Variants in METAP1D observed in about 807,000 individuals in gnomAD.
METAP1D encodes the protein methionyl aminopeptidase type 1D, mitochondrial, also known as methionine aminopeptidase 1D, mitochondrial.
Under a neutral mutation model 40.5 loss-of-function variants are expected in METAP1D, and 31 were observed. The ratio of observed to expected loss-of-function variants is 0.77; its 90% CI spans 0.58 to 1.03. METAP1D has a LOEUF of 1.03. Ranked by LOEUF, METAP1D falls within the 50% of genes least tolerant of loss-of-function variation. The pLI, the probability that METAP1D is intolerant of heterozygous loss-of-function variation, is 0.00. For missense variants in METAP1D, 411 were observed against 420.7 expected, an observed-to-expected ratio of 0.98 and a Z score of 0.20; for synonymous variants, 151 against 146.4, an observed-to-expected ratio of 1.03 and a Z score of -0.22.
chr2:172,002,897 C>A (rs916394933), intron 1 of METAP1D, among the ~76,000 whole-genome samples: 1 of 152,120 alleles, frequency 6.6e-6, no homozygotes, highest in Non-Finnish European at 1.5e-5. Flanking sequence ...CATGAGGTTT[C>A]TCTTGTGACG....
chr2:172,007,520 G>A (rs1280786535), intron 1 of METAP1D, among the ~76,000 whole-genome samples: 1 of 151,944 alleles, frequency 6.6e-6, no homozygotes, highest in Non-Finnish European at 1.5e-5. Context: ...TTAGTTCTAG[G>A]GGGTGGCTGA....
intron 3 of METAP1D, 192 bp downstream of exon 3, chr2:172,064,052 G>A (rs1420151252): frequency 3.2e-6 from 2 of 625,270 alleles, no homozygotes; most frequent in Admixed American, 4.3e-5. Context: ...TATTTTATGT[G>A]TTTATTCAAG....
chr2:172,015,525 A>G (rs1688835112), intron 1 of METAP1D, among the ~76,000 whole-genome samples: 1 of 152,280 alleles, frequency 6.6e-6, no homozygotes. Flanking sequence ...TAAATGTCCA[A>G]TAAAATAGAG....
chr2:172,080,456 T>C lies in METAP1D; in HGVS notation c.*50T>C. On this transcript the variant is annotated 3_prime_UTR_variant, in exon 10 of 10. Coordinates refer to ENST00000315796, the MANE Select transcript of METAP1D (RefSeq NM_199227.3). ...CCTGGTGCCTTTTTAAATAAATTGCTGAAATTTGGCTGGAGAACTTTTAGA... is the reference window on the plus strand; with the variant it reads ...CCTGGTGCCTTTTTAAATAAATTGCCGAAATTTGGCTGGAGAACTTTTAGA... The C allele has an allele frequency of 6.3e-7, 1 of 1,586,600 alleles. No individual in the cohort carries two copies. The highest frequency in any genetic ancestry group is 8.7e-7 in the Non-Finnish European group (1 of 1,155,866).
intron 1 of METAP1D, among the ~76,000 whole-genome samples, chr2:172,040,820 C>T (rs1484974132): frequency 6.8e-6 from 1 of 146,428 alleles, no homozygotes; most frequent in Non-Finnish European, 1.5e-5. Context: ...AACCTCGGCT[C>T]ACTGCAGCCT....
At chr2:172,003,363 A>C (rs950924122) in intron 1 of METAP1D, among the ~76,000 whole-genome samples, 8 of 152,190 alleles carry the variant, frequency 5.3e-5, no homozygotes, top group African/African-American at 1.7e-4. Flanking sequence ...CTGGAATCCC[A>C]GGTCTAGCTC....
rs1218929333 is a variant in METAP1D at position 172,044,648 on chromosome 2, T to C, written c.41-16850T>C. ...GAGGCTGGGCGTGGTGGCTCACGCCTATAATCCCAGCAATTTGGGAAGCCG... is the reference window on the plus strand; with the variant it reads ...GAGGCTGGGCGTGGTGGCTCACGCCCATAATCCCAGCAATTTGGGAAGCCG... On this transcript the variant is annotated intron_variant, in intron 1 of 9. Coordinates refer to ENST00000315796, the MANE Select transcript of METAP1D (RefSeq NM_199227.3). Among the ~76,000 whole-genome samples the C allele has an allele frequency of 1.5e-5, 2 of 134,814 alleles. 1 individual carries two copies. Among genetic ancestry groups the C allele is most frequent in the Non-Finnish European group, 3.5e-5 (2 of 57,822 alleles). The allele number at this position is 134,814 out of a possible 152,430, so 88.4% of individuals were successfully genotyped here. A position where few individuals can be genotyped will look rare whatever the true frequency, so the allele number is the denominator to read the frequency against.
chr2:172,070,211 T>C (rs759784195), intron 5 of METAP1D, among the ~76,000 whole-genome samples: 1 of 152,208 alleles, frequency 6.6e-6, no homozygotes, highest in Non-Finnish European at 1.5e-5. Context: ...TTATACTTTC[T>C]GTAATTGTGC....
intron 2 of METAP1D, among the ~76,000 whole-genome samples, chr2:172,063,142 T>A (rs778729033): frequency 1.3e-5 from 2 of 152,182 alleles, no homozygotes; most frequent in Non-Finnish European, 1.5e-5. Flanking sequence ...TTTTATGTAT[T>A]TGAAGAATAA....
At chr2:172,021,145 C>T (rs954288880) in intron 1 of METAP1D, among the ~76,000 whole-genome samples, 1 of 151,906 alleles carries the variant, frequency 6.6e-6, no homozygotes, top group African/African-American at 2.4e-5. Context: ...CTCACTTCTT[C>T]GTTTTAATTT....
chr2:172,008,252 T>C (rs1024287310), intron 1 of METAP1D, among the ~76,000 whole-genome samples: 3 of 152,258 alleles, frequency 2.0e-5, no homozygotes, highest in South Asian at 2.1e-4. Context: ...CCTGGAGACA[T>C]TGGAGACATT....
intron 5 of METAP1D, among the ~76,000 whole-genome samples, chr2:172,068,425 A>G (rs185579570): frequency 6.6e-6 from 1 of 152,262 alleles, no homozygotes; most frequent in East Asian, 1.9e-4. Context: ...ATGAAGTACA[A>G]GTACTAGTTT....
At chr2:172,031,629 A>G (rs1445715531) in intron 1 of METAP1D, among the ~76,000 whole-genome samples, 1 of 152,242 alleles carries the variant, frequency 6.6e-6, no homozygotes, top group African/African-American at 2.4e-5. Flanking sequence ...GACTTGGAGT[A>G]GAGTCCAGAA....
chr2:172,061,674 T>TC lies in METAP1D; in HGVS notation c.198+20dup. ...TCCTAAGGTACTGTATTGCCTATTA[T>TC]CTCCTGCTTTTTCCAGCCAAGATAA... On this transcript the variant is annotated intron_variant, in intron 2 of 9. Transcript: ENST00000315796. 6.4e-7 allele frequency: 1 copy of TC among 1,554,626 alleles called. No individual in the cohort carries two copies. Among genetic ancestry groups the TC allele is most frequent in the Non-Finnish European group, 8.7e-7 (1 of 1,152,464 alleles).
chr2:172,034,433 T>TG (rs1559002667), intron 1 of METAP1D, among the ~76,000 whole-genome samples: 1 of 151,452 alleles, frequency 6.6e-6, no homozygotes. Flanking sequence ...GTGTGTGTGT[T>TG]ATTTCTGGTT....
At chr2:172,006,523 A>T (rs1381728563) in intron 1 of METAP1D, among the ~76,000 whole-genome samples, 2 of 152,186 alleles carry the variant, frequency 1.3e-5, no homozygotes, top group Non-Finnish European at 2.9e-5. Flanking sequence ...TTCCTCAAGC[A>T]TTAGAAATCC....
At chr2:172,004,762 G>A (rs765939277) in intron 1 of METAP1D, among the ~76,000 whole-genome samples, 5 of 152,132 alleles carry the variant, frequency 3.3e-5, no homozygotes, top group East Asian at 1.9e-4. Context: ...GAGTTTTGCC[G>A]TATGACATCT....
chr2:172,013,040 C>G (rs1426302648), intron 1 of METAP1D, among the ~76,000 whole-genome samples: 2 of 152,182 alleles, frequency 1.3e-5, no homozygotes, highest in African/African-American at 4.8e-5. Context: ...ATCAGTAACT[C>G]TTAACAGGGG....
In METAP1D at chr2:172,077,811, A is replaced by G; in HGVS notation, c.719A>G (p.Gln240Arg). ...CACTTTTAAAGCCACATAACTCATC[A>G]GAATGGTTTTCAAGTCTGTCCACAT... ...IGNTISHITH[Q>R]NGFQVCPHFV... Residue 240 changes from glutamine (Q) to arginine (R), a missense_variant, in exon 7 of 10, where the codon CAG becomes CGG. Gln to Arg is a conservative substitution (Grantham distance 43). Coordinates refer to ENST00000315796, the MANE Select transcript of METAP1D (RefSeq NM_199227.3). The G allele has an allele frequency of 6.2e-7, 1 of 1,604,838 alleles. No homozygotes were observed. Among genetic ancestry groups the G allele is most frequent in the Non-Finnish European group, 8.5e-7 (1 of 1,173,154 alleles).
Sources: allele counts gnomAD v4.1 joint callset (sites outside exome capture counted in the v4.1 genomes callset), GRCh38; gene constraint gnomAD v4.1.1; transcripts MANE v1.5; gene names NCBI Gene and HGNC (gene_info 2026-07-23, HGNC 2026-07-21).